The following CDH13 variants were observed in gnomAD, a reference collection of about 807,000 sequenced individuals.
The protein encoded by CDH13 is cadherin 13, also known as cadherin-13.
Under a neutral mutation model 63.8 loss-of-function variants are expected in CDH13, and 24 were observed. The ratio of observed to expected loss-of-function variants is 0.38; its 90% CI spans 0.27 to 0.53. CDH13 has a LOEUF of 0.53. CDH13 is among the 20% of genes least tolerant of loss of function. The pLI, the probability that CDH13 is intolerant of heterozygous loss-of-function variation, is 0.85. For synonymous variants in CDH13, 503 were observed against 355.3 expected (o/e 1.42, Z -4.67); for missense variants, 1,049 against 903.1 (o/e 1.16, Z -2.07).
chr16:83,225,968 T>A (rs2039825766), intron 5 of CDH13, among the ~76,000 whole-genome samples: 1 of 152,204 alleles, frequency 6.6e-6, no homozygotes, highest in South Asian at 2.1e-4. Context: ...TTCTCCCAAC[T>A]GCTTCACTCT....
intron 2 of CDH13, among the ~76,000 whole-genome samples, chr16:82,902,227 C>G (rs1234676112): frequency 6.6e-6 from 1 of 152,032 alleles, no homozygotes; most frequent in Non-Finnish European, 1.5e-5. Context: ...CCTCCTGAAG[C>G]AATATAAAGT....
intron 5 of CDH13, among the ~76,000 whole-genome samples, chr16:83,274,900 C>G (rs561544766): frequency 6.6e-6 from 1 of 152,164 alleles, no homozygotes; most frequent in African/African-American, 2.4e-5. Context: ...AAAATCCAGT[C>G]TTTATTCCAT....
intron 6 of CDH13, among the ~76,000 whole-genome samples, chr16:83,432,454 G>C (rs563020205): frequency 6.6e-5 from 10 of 152,316 alleles, no homozygotes; most frequent in African/African-American, 2.2e-4. Flanking sequence ...GCAGAGTGGG[G>C]ACCTATGCCT....
At chr16:83,019,857 A>AAAG (rs1567750762) in intron 2 of CDH13, among the ~76,000 whole-genome samples, 20 of 147,948 alleles carry the variant, frequency 1.4e-4, no homozygotes, top group East Asian at 6.1e-4. Context: ...AAAAAAAACA[A>AAAG]TAAAAACGAT....
intron 4 of CDH13, among the ~76,000 whole-genome samples, chr16:83,176,512 G>GA (rs869250059): frequency 0.016 from 1,161 of 71,718 alleles, 19 homozygotes; most frequent in African/African-American, 0.029. Context: ...TCCAGCTAGA[G>GA]AAAAAAAAAA....
At chr16:83,140,923 C>G (rs1427467687) in intron 4 of CDH13, among the ~76,000 whole-genome samples, 1 of 152,176 alleles carries the variant, frequency 6.6e-6, no homozygotes, top group Non-Finnish European at 1.5e-5. Context: ...GAAGATCTGC[C>G]ACATGAAAAA....
At position 83,783,455 on chromosome 16, in the gene CDH13, G is replaced by C. The variant is rs199525740; in HGVS notation, c.2117G>C (p.Ser706Thr). 8.2e-5 allele frequency: 133 copies of C among 1,613,906 alleles called. No individual in the cohort carries two copies. In the African/African-American group the frequency reaches 1.5e-3, roughly 18 times the overall value. The change falls in exon 13 of 14, where the codon AGC (serine) becomes ACC (threonine). Residue 706 changes from serine (S) to threonine (T), a missense_variant. Coordinates refer to ENST00000567109, the MANE Select transcript of CDH13 (RefSeq NM_001257.5). ...RFSLPSVLLL[S>T]LFSLACL ...AGCCTGCCCTCAGTCCTGCTCCTCAGCCTCTTCAGCTTAGCTTGTAAGTTG... is the reference window on the plus strand; with the variant it reads ...AGCCTGCCCTCAGTCCTGCTCCTCACCCTCTTCAGCTTAGCTTGTAAGTTG...
intron 1 of CDH13, among the ~76,000 whole-genome samples, chr16:82,668,380 C>G (rs959975325): frequency 2.0e-5 from 3 of 152,094 alleles, no homozygotes; most frequent in African/African-American, 7.2e-5. Context: ...GTTATTGGTT[C>G]TAGAGGACTC....
At chr16:82,666,227 T>C (rs560753082) in intron 1 of CDH13, among the ~76,000 whole-genome samples, 1 of 152,184 alleles carries the variant, frequency 6.6e-6, no homozygotes, top group Non-Finnish European at 1.5e-5. Context: ...CTTTCCAAGC[T>C]CCTGCAATCA....
At chr16:82,738,104 A>C (rs2033767130) in intron 1 of CDH13, among the ~76,000 whole-genome samples, 1 of 152,218 alleles carries the variant, frequency 6.6e-6, no homozygotes, top group African/African-American at 2.4e-5. Flanking sequence ...GCCACTTGTC[A>C]CACATTCGTT....
chr16:83,654,069 G>T (rs1248362113), intron 8 of CDH13, among the ~76,000 whole-genome samples: 1 of 152,060 alleles, frequency 6.6e-6, no homozygotes, highest in East Asian at 1.9e-4. Context: ...TTAATACATA[G>T]TATAGACAGG....
intron 5 of CDH13, among the ~76,000 whole-genome samples, chr16:83,304,102 A>G (rs939882123): frequency 1.3e-5 from 2 of 152,170 alleles, no homozygotes; most frequent in Non-Finnish European, 1.5e-5. Context: ...TGACTAGACT[A>G]TGGGGGTAGC....
At position 82,644,955 on chromosome 16, in the gene CDH13, A is replaced by G. The variant is rs1167319959; in HGVS notation, c.45+17818A>G. Among the ~76,000 whole-genome samples, 1 of 152,218 alleles carries G rather than the reference A, an allele frequency of 6.6e-6. No homozygotes were observed. Among genetic ancestry groups the G allele is most frequent in the Admixed American group, 6.5e-5 (1 of 15,286 alleles). ...TACTTGTATAAACTAATATTTTGGA[A>G]AACTCTGGAGTTAGAGAAGTGGACC... On this transcript the variant is annotated intron_variant, in intron 1 of 13. Transcript: ENST00000567109. The surrounding 1 kb of genome is among the most constrained non-coding windows in gnomAD (Gnocchi z 5.7).
rs145636118 is a variant in CDH13, at chr16:83,531,648, G to C, written c.960+44993G>C. Among the ~76,000 whole-genome samples, 139 of 152,302 alleles carry C rather than the reference G, an allele frequency of 9.1e-4. 2 individuals are homozygous for C. The highest frequency in any genetic ancestry group is 3.1e-3 in the African/African-American group (129 of 41,552). ...TGTCCCTACAAGAGGGAGGCGAGTG[G>C]TATTGACTGAAGAAGAGGGAGGAGG... On this transcript the variant is annotated intron_variant, in intron 7 of 13. Coordinates refer to ENST00000567109, the MANE Select transcript of CDH13 (RefSeq NM_001257.5).
intron 5 of CDH13, among the ~76,000 whole-genome samples, chr16:83,247,062 C>A (rs1905060544): frequency 6.6e-6 from 1 of 152,178 alleles, no homozygotes; most frequent in African/African-American, 2.4e-5. Flanking sequence ...GGATACAGGA[C>A]TGTTTCAGTC....
chr16:83,653,921 T>A (rs1912629033), intron 8 of CDH13, among the ~76,000 whole-genome samples: 1 of 152,092 alleles, frequency 6.6e-6, no homozygotes, highest in Admixed American at 6.6e-5. Context: ...AGACAGGGGA[T>A]TGAAGGCTTG....
At chr16:83,605,706 G>A (rs8059833) in intron 8 of CDH13, among the ~76,000 whole-genome samples, 52,197 of 152,022 alleles carry the variant, frequency 0.34, 9,293 homozygotes, top group Middle Eastern at 0.42. Context: ...AGAAGATTGT[G>A]ATGAGAAAGA....
intron 8 of CDH13, among the ~76,000 whole-genome samples, chr16:83,627,502 C>T (rs1264351050): frequency 6.6e-6 from 1 of 152,166 alleles, no homozygotes; most frequent in East Asian, 1.9e-4. Flanking sequence ...TCTGGAGTAT[C>T]CACACCATTG....
chr16:83,486,069 G>A (rs540280379), intron 6 of CDH13, among the ~76,000 whole-genome samples: 62 of 152,274 alleles, frequency 4.1e-4, no homozygotes, highest in Admixed American at 1.5e-3. Flanking sequence ...CTTGAACCTG[G>A]GAGGCGGAGG....
Sources: allele counts gnomAD v4.1 joint callset (sites outside exome capture counted in the v4.1 genomes callset), GRCh38; gene constraint gnomAD v4.1.1; non-coding constraint Gnocchi (gnomAD v3.1); transcripts MANE v1.5; gene names NCBI Gene and HGNC (gene_info 2026-07-23, HGNC 2026-07-21).